The following BRWD1 variants were observed in gnomAD, a reference collection of about 807,000 sequenced individuals.
BRWD1 encodes bromodomain and WD repeat domain containing 1, also known as bromodomain and WD repeat-containing protein 1.
BRWD1 carries 82 observed loss-of-function variants against 251.2 expected under a neutral mutation model. That is an observed-to-expected ratio of 0.33 (90% CI 0.27 to 0.39). The LOEUF (loss-of-function observed/expected upper bound fraction) is 0.39. Among genes scored for constraint, BRWD1 ranks in the 10% least tolerant of loss-of-function variants. The pLI, the probability that BRWD1 is intolerant of heterozygous loss-of-function variation, is 1.00. For synonymous variants in BRWD1, 918 were observed against 902.8 expected, an observed-to-expected ratio of 1.02 and a Z score of -0.30; for missense variants, 2,233 against 2,711.6, an observed-to-expected ratio of 0.82 and a Z score of 3.92.
chr21:39,251,957 T>C (rs1568917286), intron 19 of BRWD1, among the ~76,000 whole-genome samples: 1 of 152,252 alleles, frequency 6.6e-6, no homozygotes, highest in East Asian at 1.9e-4. Flanking sequence ...GCAAAGATCA[T>C]AGAGTGTATA....
rs1375941306 is a variant in BRWD1, at chr21:39,232,418, G to A, written c.2847C>T (p.Asp949=). 1.3e-6 allele frequency: 2 copies of A among 1,594,238 alleles called. No individual in the cohort carries two copies. The highest frequency in any genetic ancestry group is 2.7e-5 in the African/African-American group (2 of 73,400). The part of the protein sequence containing the change: ...YEFHPPVWIT[D]TTLRKSPFVP... Reference sequence around the variant, plus strand: ...CAAAAGGAGATTTTCTAAGTGTGGTGTCAGTAATCCAAACTGGAGGGTGAA... The same window carrying A: ...CAAAAGGAGATTTTCTAAGTGTGGTATCAGTAATCCAAACTGGAGGGTGAA... Residue 949 remains aspartate (D), a synonymous_variant, in exon 24 of 41, where the codon GAC becomes GAT. Coordinates refer to ENST00000342449, the MANE Select transcript of BRWD1 (RefSeq NM_033656.4).
chr21:39,311,476 T>C (rs2036482037), intron 4 of BRWD1, among the ~76,000 whole-genome samples: 1 of 152,198 alleles, frequency 6.6e-6, no homozygotes, highest in Admixed American at 6.6e-5. Flanking sequence ...ATTTTAAAAG[T>C]AACTTTTCCA....
At position 39,194,163 on chromosome 21, in the gene BRWD1, A is replaced by G; in HGVS notation, c.*2096T>C. On this transcript the variant is annotated 3_prime_UTR_variant, in exon 41 of 41. Transcript: ENST00000342449. ...TCAATGACCAATTAATGCAGTCCAA[A>G]TAATCAGAATAGTTCTATTAATGAA... 1.0e-6 allele frequency: 1 copy of G among 984,866 alleles called. No individual in the cohort carries two copies. The highest frequency in any genetic ancestry group is 1.2e-6 in the Non-Finnish European group (1 of 829,402). The allele number at this position is 984,866 out of a possible 1,614,324, so 61.0% of individuals were successfully genotyped here. A position where few individuals can be genotyped will look rare whatever the true frequency, so the allele number is the denominator to read the frequency against.
At chr21:39,271,098 G>A (rs1304572220) in intron 13 of BRWD1, among the ~76,000 whole-genome samples, 1 of 149,994 alleles carries the variant, frequency 6.7e-6, no homozygotes, top group Non-Finnish European at 1.5e-5. Flanking sequence ...TTTGAGACTA[G>A]CCTGGCCAAC....
chr21:39,184,534 G>A (rs2031099804), downstream of BRWD1: 2 of 152,316 alleles, frequency 1.3e-5, no homozygotes, highest in South Asian at 4.1e-4. Flanking sequence ...TGCATTTTGT[G>A]ACTTTGTCAG....
rs532082865 is a variant in BRWD1, at chr21:39,284,914, T to C, written c.832-4666A>G. Among the ~76,000 whole-genome samples the C allele has an allele frequency of 1.3e-3, 195 of 152,358 alleles. 1 individual carries two copies. The highest frequency in any genetic ancestry group is 4.1e-3 in the African/African-American group (171 of 41,592). ...TTGTTTCCTTTGCTGTGCAGAAGCT[T>C]TGTAGTTTGATGTAATCCCATTTGT... On this transcript the variant is annotated intron_variant, in intron 8 of 40. Coordinates refer to ENST00000342449, the MANE Select transcript of BRWD1 (RefSeq NM_033656.4).
intron 8 of BRWD1, among the ~76,000 whole-genome samples, chr21:39,281,012 A>G (rs2035437782): frequency 6.6e-6 from 1 of 152,232 alleles, no homozygotes; most frequent in African/African-American, 2.4e-5. Context: ...GGAAAATGCA[A>G]GGAAAACAAA....
chr21:39,250,407 T>C (rs994617262), intron 20 of BRWD1, among the ~76,000 whole-genome samples: 2 of 151,812 alleles, frequency 1.3e-5, no homozygotes, highest in Admixed American at 1.3e-4. Flanking sequence ...AGCAAGACAT[T>C]GAAAAAAATG....
chr21:39,228,502 G>A lies in BRWD1; in HGVS notation c.3206C>T (p.Ser1069Phe). The stretch of plus-strand genomic sequence containing the variant: ...AAACTTAGTAAGGATAGACTTACAA[G>A]ACTGCCAATTCCTCTGTCTTGCTTC... ...YDEARQRNWQ[S>F]CDRFRSIIDD... Residue 1069 changes from serine to phenylalanine, a missense_variant and splice_region_variant, in exon 27 of 41, where the codon TCT becomes TTT. Around this residue, in one of 12 missense-constraint regions of BRWD1, gnomAD observed 139 missense variants for 272.8 expected, o/e 0.51. Coordinates refer to ENST00000342449, the MANE Select transcript of BRWD1 (RefSeq NM_033656.4). 6.2e-7 allele frequency: 1 copy of A among 1,607,794 alleles called. No individual in the cohort carries two copies.
Position 39,191,995 on chromosome 21 carries a change from C to T in BRWD1, c.*4264G>A, listed in dbSNP as rs2031577712. 5.1e-6 allele frequency: 5 copies of T among 985,184 alleles called. No individual in the cohort carries two copies. Among genetic ancestry groups the T allele is most frequent in the Non-Finnish European group, 6.0e-6 (5 of 829,768 alleles). 61.0% of individuals were successfully genotyped at this position (985,184 alleles called of 1,614,324 possible). A position where few individuals can be genotyped will look rare whatever the true frequency, so the allele number is the denominator to read the frequency against. On this transcript the variant is annotated 3_prime_UTR_variant, in exon 41 of 41. Coordinates refer to ENST00000342449, the MANE Select transcript of BRWD1 (RefSeq NM_033656.4). ...TACATGTTGCCAAAGATAGAGCCTG[C>T]AGATTGGTAGAATCCAAATGATGTG...
chr21:39,205,278 C>T (rs1396393328), intron 37 of BRWD1, among the ~76,000 whole-genome samples: 4 of 152,060 alleles, frequency 2.6e-5, no homozygotes, highest in African/African-American at 7.2e-5. Context: ...TCAAGACCAG[C>T]GTGGGCACCA....
intron 12 of BRWD1, among the ~76,000 whole-genome samples, chr21:39,275,371 A>G (rs1040180269): frequency 1.3e-5 from 2 of 152,220 alleles, no homozygotes; most frequent in East Asian, 1.9e-4. Flanking sequence ...ATCCTTACAC[A>G]TAATTTTTTC....
chr21:39,236,921 C>G (rs1014028297), intron 22 of BRWD1, 137 bp from the exon 23 acceptor site: 3 of 663,068 alleles, frequency 4.5e-6, no homozygotes, highest in Non-Finnish European at 7.6e-6. Context: ...CTTGAGCATT[C>G]TCCCCTCACT....
intron 4 of BRWD1, among the ~76,000 whole-genome samples, chr21:39,309,550 C>T (rs545989339): frequency 4.6e-5 from 7 of 150,844 alleles, no homozygotes; most frequent in African/African-American, 1.5e-4. Flanking sequence ...GGAGGCCGGG[C>T]GCGGTGGCTC....
chr21:39,194,962 G>C lies in BRWD1; in HGVS notation c.*1297C>G. The stretch of plus-strand genomic sequence containing the variant: ...TAAATATGTAAACCATTTGAATCAA[G>C]TCCATCTTCAGGCACAAACAAGTTA... On this transcript the variant is annotated 3_prime_UTR_variant, in exon 41 of 41. Transcript: ENST00000342449. 1 of 1,449,034 alleles carries C rather than the reference G, an allele frequency of 6.9e-7. No individual in the cohort carries two copies. The highest frequency in any genetic ancestry group is 9.0e-7 in the Non-Finnish European group (1 of 1,105,766). The allele number at this position is 1,449,034 out of a possible 1,614,324, so 89.8% of individuals were successfully genotyped here. A position where few individuals can be genotyped will look rare whatever the true frequency, so the allele number is the denominator to read the frequency against.
At chr21:39,255,443 C>T (rs2034533401) in intron 19 of BRWD1, among the ~76,000 whole-genome samples, 1 of 151,842 alleles carries the variant, frequency 6.6e-6, no homozygotes, top group Non-Finnish European at 1.5e-5. Flanking sequence ...GCAAGACTGG[C>T]TCTGAAAACC....
chr21:39,270,527 C>T (rs1045975233), intron 13 of BRWD1, 94 bp from the exon 14 acceptor site: 1 of 1,051,946 alleles, frequency 9.5e-7, no homozygotes, highest in Non-Finnish European at 1.3e-6. Flanking sequence ...AGAAATCCAA[C>T]CCATGTGCCT....
Position 39,313,612 on chromosome 21 carries a change from G to C in BRWD1, c.-121C>G. The C allele has an allele frequency of 1.3e-6, 1 of 776,046 alleles. No individual in the cohort carries two copies. Among genetic ancestry groups the C allele is most frequent in the Non-Finnish European group, 1.7e-6 (1 of 576,544 alleles). The allele number at this position is 776,046 out of a possible 1,614,324, so 48.1% of individuals were successfully genotyped here. On this transcript the variant is annotated 5_prime_UTR_variant, in exon 1 of 41. Transcript: ENST00000342449. ...GCGCGCCGCCGCCGCCGCCGCCGCC[G>C]CCATACCGTGCGCGCCGCCTGGACC... is the stretch of plus-strand genomic sequence containing the variant.
chr21:39,295,834 T>C lies in BRWD1; in HGVS notation c.518A>G (p.Tyr173Cys), dbSNP rs1055616738. ...CCTTCTGTGCATTTTTATATGCTGA[T>C]ACATAGTTCCTGGAAATGCTGTACT... ...TFSTAFPGTMYQHIKMHRRIL... is the reference protein window; with the variant it reads ...TFSTAFPGTMCQHIKMHRRIL... The change falls in exon 7 of 41, where the codon TAT (tyrosine) becomes TGT (cysteine). Residue 173 changes from tyrosine (Y) to cysteine (C), a missense_variant. Tyr to Cys is a radical substitution (Grantham distance 194). This residue lies in a region of BRWD1 where 185 missense variants were observed against 260.6 expected (regional missense o/e 0.71). Coordinates refer to ENST00000342449, the MANE Select transcript of BRWD1 (RefSeq NM_033656.4). 5.0e-6 allele frequency: 8 copies of C among 1,611,538 alleles called. No individual in the cohort carries two copies. Among genetic ancestry groups the C allele is most frequent in the East Asian group, 4.5e-5 (2 of 44,810 alleles).
Sources: gnomAD v4.1 joint callset for allele counts (sites outside exome capture counted in the v4.1 genomes callset) on GRCh38, gnomAD v4.1.1 for gene constraint, gnomAD v4.1.1 regional missense constraint, MANE v1.5 for transcripts, NCBI Gene and HGNC (gene_info 2026-07-23, HGNC 2026-07-21) for gene names.